Variants in NBAS observed in about 807,000 individuals in gnomAD.
The protein encoded by NBAS is NAG/BC035112 fusion.
NBAS carries 219 observed loss-of-function variants against 302.5 expected under a neutral mutation model. The ratio of observed to expected loss-of-function variants is 0.72; its 90% CI spans 0.65 to 0.81. The LOEUF (loss-of-function observed/expected upper bound fraction) is 0.81, where lower values mean the gene tolerates loss of function less well. Ranked by LOEUF, NBAS falls within the 30% of genes least tolerant of loss-of-function variation. NBAS has a pLI of 0.00. For missense variants in NBAS, 2,932 were observed against 2,841.6 expected (o/e 1.03, Z -0.72); for synonymous variants, 1,118 against 1,021.6 (o/e 1.09, Z -1.80).
chr2:15,374,888 G>A (rs1396305296), intron 30 of NBAS, among the ~76,000 whole-genome samples, 168 bp from the exon 31 acceptor site: 14 of 152,128 alleles, frequency 9.2e-5, no homozygotes. Flanking sequence ...CTCTGAGGTA[G>A]GCAAACATCA....
rs1415086464 is a variant in NBAS, at chr2:15,475,770, T to C, written c.1258A>G (p.Asn420Asp). Residue 420 changes from asparagine (N) to aspartate (D), a missense_variant, in exon 14 of 52, where the codon AAT becomes GAT. By Grantham distance (23) the Asn-to-Asp change is conservative. Transcript: ENST00000281513. The part of the protein sequence containing the change: ...LTVSSVKTLK[N>D]LLGKSCEWFE... ...CATTCACAGGATTTTCCCAGTAAAT[T>C]CTTCAAAGTTTTCACAGATGAAACA... 1.2e-6 allele frequency: 2 copies of C among 1,614,094 alleles called. No individual in the cohort carries two copies. Among genetic ancestry groups the C allele is most frequent in the Admixed American group, 3.3e-5 (2 of 60,024 alleles).
At chr2:14,979,288 G>T in the NBAS span, among the ~76,000 whole-genome samples, 2 of 152,108 alleles carry the variant, frequency 1.3e-5, no homozygotes, top group South Asian at 4.2e-4. Context: ...TTTAAATGAG[G>T]TTTTTCTTTA....
At chr2:15,307,206 C>T (rs1401600506) in intron 40 of NBAS, among the ~76,000 whole-genome samples, 1 of 152,182 alleles carries the variant, frequency 6.6e-6, no homozygotes, top group Non-Finnish European at 1.5e-5. Context: ...CCTCCGGAAC[C>T]CAACAATGTA....
the NBAS span, among the ~76,000 whole-genome samples, chr2:14,814,070 G>A: frequency 6.6e-6 from 1 of 152,224 alleles, no homozygotes; most frequent in African/African-American, 2.4e-5. Flanking sequence ...AAGAGTTGAG[G>A]TTGAGGAGCC....
the NBAS span, among the ~76,000 whole-genome samples, chr2:15,041,590 C>T: frequency 2.0e-4 from 31 of 152,192 alleles, no homozygotes; most frequent in African/African-American, 7.2e-4. Flanking sequence ...CAGGGACAGA[C>T]AAATGGTCCT....
At chr2:15,286,978 A>G in intron 42 of NBAS, 95 bp downstream of exon 42, 1 of 1,036,282 alleles carries the variant, frequency 9.6e-7, no homozygotes, top group South Asian at 1.3e-5. Flanking sequence ...TTAAAGGAAA[A>G]CTAAAATTGT....
Position 15,248,371 on chromosome 2 carries a change from C to A in NBAS, c.5725-9685G>T, listed in dbSNP as rs548083393. ...AAGCAAGAAACACCTAAAGTTGACA[C>A]CCTGACATCACAATTAAAAGAATTA... On this transcript the variant is annotated intron_variant, in intron 44 of 51. Coordinates refer to ENST00000281513, the MANE Select transcript of NBAS (RefSeq NM_015909.4). Among the ~76,000 whole-genome samples, 14 of 152,210 alleles carry A rather than the reference C, an allele frequency of 9.2e-5. No individual in the cohort carries two copies. The South Asian group carries it at 2.5e-3, about 27-fold the overall frequency.
intron 42 of NBAS, among the ~76,000 whole-genome samples, chr2:15,283,322 C>T (rs73197011): frequency 0.045 from 6,814 of 152,114 alleles, 259 homozygotes; most frequent in African/African-American, 0.1. Flanking sequence ...TGATTGCATG[C>T]CCACCCAAAT....
At chr2:15,089,200 A>G in the NBAS span, among the ~76,000 whole-genome samples, 1 of 151,882 alleles carries the variant, frequency 6.6e-6, no homozygotes, top group African/African-American at 2.4e-5. Context: ...CAGGCTGGTC[A>G]TGAACTCCTG....
rs1054479307 is a variant in NBAS at position 15,187,768 on chromosome 2, C to T, written c.6573-888G>A. On this transcript the variant is annotated intron_variant, in intron 49 of 51. Transcript: ENST00000281513. ...CATTAGCACAGCACTACATTCTAGA[C>T]ATTGAACAACCAGGGATGGTCTTGC... Among the ~76,000 whole-genome samples, 10 of 152,280 alleles carry T rather than the reference C, an allele frequency of 6.6e-5. No individual in the cohort carries two copies. In the South Asian group the frequency reaches 1.0e-3, roughly 16 times the overall value.
intron 51 of NBAS, among the ~76,000 whole-genome samples, chr2:15,171,865 C>T (rs1223155552): frequency 1.3e-5 from 2 of 152,202 alleles, no homozygotes; most frequent in Non-Finnish European, 2.9e-5. Flanking sequence ...AGAAGGCGGC[C>T]GTCGACACGC....
chr2:14,899,809 A>C, the NBAS span, among the ~76,000 whole-genome samples: 1 of 150,790 alleles, frequency 6.6e-6, no homozygotes, highest in Non-Finnish European at 1.5e-5. Flanking sequence ...GAAACGGGCC[A>C]CCTGGAGCCC....
intron 51 of NBAS, among the ~76,000 whole-genome samples, chr2:15,169,508 CTGAG>C (rs1057084133): frequency 6.6e-6 from 1 of 152,186 alleles, no homozygotes; most frequent in Non-Finnish European, 1.5e-5. Context: ...TGCCAGAACC[CTGAG>C]AGGCCCTTGA....
chr2:14,996,292 T>A, the NBAS span, among the ~76,000 whole-genome samples: 78 of 152,338 alleles, frequency 5.1e-4, no homozygotes, highest in African/African-American at 1.8e-3. Context: ...TTGGCTTTTT[T>A]CATCCTGATG....
At chr2:15,384,997 TC>T (rs1675219105) in intron 28 of NBAS, among the ~76,000 whole-genome samples, 1 of 152,098 alleles carries the variant, frequency 6.6e-6, no homozygotes. Flanking sequence ...AAAAATATAG[TC>T]TTTAAAATTT....
At chr2:15,010,857 A>G in the NBAS span, among the ~76,000 whole-genome samples, 1 of 152,214 alleles carries the variant, frequency 6.6e-6, no homozygotes, top group Non-Finnish European at 1.5e-5. Context: ...TTCCACGTGC[A>G]GATTCTGTGA....
intron 38 of NBAS, among the ~76,000 whole-genome samples, chr2:15,325,397 T>C (rs1672017963): frequency 6.6e-6 from 1 of 151,962 alleles, no homozygotes; most frequent in Admixed American, 6.6e-5. Context: ...AAAAAGCTAA[T>C]AATCATCTGA....
chr2:15,107,147 C>T, the NBAS span, among the ~76,000 whole-genome samples: 1 of 151,944 alleles, frequency 6.6e-6, no homozygotes, highest in Non-Finnish European at 1.5e-5. Context: ...TCTTAGGAGA[C>T]AATTAAGTTT....
the NBAS span, among the ~76,000 whole-genome samples, chr2:14,856,791 C>A: frequency 6.6e-6 from 1 of 151,884 alleles, no homozygotes; most frequent in Non-Finnish European, 1.5e-5. Flanking sequence ...TGAAACAAGC[C>A]TAAAAGATCT....
Sources: allele counts gnomAD v4.1 joint callset (sites outside exome capture counted in the v4.1 genomes callset), GRCh38; gene constraint gnomAD v4.1.1; transcripts MANE v1.5; gene names NCBI Gene and HGNC (gene_info 2026-07-23, HGNC 2026-07-21).